Variants in RCAN3 observed in about 807,000 individuals in gnomAD.
RCAN3 encodes calcipressin-3.
Under a neutral mutation model 21.9 loss-of-function variants are expected in RCAN3, and 19 were observed. That is an observed-to-expected ratio of 0.87 (90% CI 0.61 to 1.27). The LOEUF (loss-of-function observed/expected upper bound fraction) is 1.27. Ranked by LOEUF, RCAN3 falls within the 50% of genes most tolerant of loss-of-function variation. The probability of loss-of-function intolerance (pLI) is 0.00; values close to 1 mark genes in which losing one functional copy is unlikely to be tolerated. For synonymous variants in RCAN3, 114 were observed against 112.3 expected, an observed-to-expected ratio of 1.01 and a Z score of -0.09; for missense variants, 240 against 300.1, an observed-to-expected ratio of 0.80 and a Z score of 1.48.
intron 1 of RCAN3, among the ~76,000 whole-genome samples, chr1:24,505,211 GT>G (rs796108173): frequency 4.9e-4 from 44 of 89,698 alleles, no homozygotes; most frequent in Admixed American, 1.5e-3. Context: ...TTGTTGCTTT[GT>G]TTTTTTTTTT....
intron 1 of RCAN3, among the ~76,000 whole-genome samples, chr1:24,508,826 A>C (rs1647662267): frequency 6.6e-6 from 1 of 152,236 alleles, no homozygotes; most frequent in Non-Finnish European, 1.5e-5. Flanking sequence ...GTCTTAAAAA[A>C]ATTTATAGAC....
chr1:24,519,127 T>C (rs1648578650), intron 2 of RCAN3, among the ~76,000 whole-genome samples: 1 of 151,958 alleles, frequency 6.6e-6, no homozygotes, highest in Non-Finnish European at 1.5e-5. Context: ...GCCAAGCTGG[T>C]CTCAAACTCT....
intron 1 of RCAN3, among the ~76,000 whole-genome samples, chr1:24,513,356 T>C (rs186668542): frequency 6.4e-4 from 98 of 152,238 alleles, no homozygotes; most frequent in Non-Finnish European, 1.1e-3. Context: ...CTTTGATCAC[T>C]GCCTCAGCCT....
intron 3 of RCAN3, 124 bp from the exon 4 acceptor site, chr1:24,532,948 CAAAAAAAAAAA>C (rs756973308): frequency 1.6e-4 from 15 of 93,222 alleles, no homozygotes; most frequent in African/African-American, 3.4e-4. Context: ...GACTCCGTCT[CAAAAAAAAAAA>C]AAAAAAAAAA....
At chr1:24,518,385 G>T (rs981339326) in intron 2 of RCAN3, among the ~76,000 whole-genome samples, 3 of 152,088 alleles carry the variant, frequency 2.0e-5, no homozygotes. Flanking sequence ...AAAATAAACT[G>T]TAAGAAAAAT....
intron 2 of RCAN3, among the ~76,000 whole-genome samples, chr1:24,517,781 C>T (rs1365171807): frequency 6.6e-6 from 1 of 152,006 alleles, no homozygotes; most frequent in South Asian, 2.1e-4. Flanking sequence ...TCGCTTGAGA[C>T]CAGGAGTTTG....
chr1:24,526,910 G>T (rs1570474440), intron 2 of RCAN3, among the ~76,000 whole-genome samples: 1 of 152,284 alleles, frequency 6.6e-6, no homozygotes, highest in East Asian at 1.9e-4. Context: ...AAGAAACTTT[G>T]AAATGTATCC....
intron 2 of RCAN3, among the ~76,000 whole-genome samples, chr1:24,524,828 GTT>G (rs5773091): frequency 0.16 from 20,883 of 127,320 alleles, 1,595 homozygotes; most frequent in African/African-American, 0.2. Flanking sequence ...GTTTTCTTTT[GTT>G]TTTTTTTTTT....
chr1:24,532,732 A>G (rs1649870116), intron 3 of RCAN3, among the ~76,000 whole-genome samples: 2 of 150,816 alleles, frequency 1.3e-5, no homozygotes, highest in Non-Finnish European at 3.0e-5. Context: ...GCGGATGATG[A>G]AGTCAGGAGA....
intron 4 of RCAN3, 82 bp downstream of exon 4, chr1:24,533,336 A>G: frequency 1.8e-6 from 2 of 1,142,654 alleles, no homozygotes; most frequent in Non-Finnish European, 2.4e-6. Context: ...GCATTGTGGC[A>G]GTATGATTAG....
At position 24,535,156 on chromosome 1, in the gene RCAN3, A is replaced by C. The variant is rs1650128449; in HGVS notation, c.605A>C (p.Glu202Ala). 9.4e-6 allele frequency: 15 copies of C among 1,598,538 alleles called. No individual in the cohort carries two copies. Among genetic ancestry groups the C allele is most frequent in the Non-Finnish European group, 1.3e-5 (15 of 1,174,738 alleles). The change falls in exon 5 of 5, where the codon GAA becomes GCA. Residue 202 changes from glutamate (E) to alanine (A), a missense_variant. By Grantham distance (107) the Glu-to-Ala change is moderately radical. Transcript: ENST00000374395. ...CCCAGCGTGGTGGTTCATGTCTGTGAAAGTGAAACTGAAGAGGAAGAAGAG... is the reference window on the plus strand; with the variant it reads ...CCCAGCGTGGTGGTTCATGTCTGTGCAAGTGAAACTGAAGAGGAAGAAGAG... ...STPSVVVHVC[E>A]SETEEEEETK...
intron 1 of RCAN3, among the ~76,000 whole-genome samples, chr1:24,505,741 G>A (rs1647388231): frequency 6.6e-6 from 1 of 152,162 alleles, no homozygotes; most frequent in African/African-American, 2.4e-5. Flanking sequence ...TTTGCTTCCA[G>A]TATTGTTTGG....
At chr1:24,505,194 C>G (rs965106161) in intron 1 of RCAN3, among the ~76,000 whole-genome samples, 9 of 126,168 alleles carry the variant, frequency 7.1e-5, no homozygotes, top group African/African-American at 2.4e-4. Flanking sequence ...TCCTAAGTGG[C>G]TTTTTGTTGT....
Position 24,531,280 on chromosome 1 carries a change from C to T in RCAN3, c.258C>T (p.Ser86=). 1 of 1,613,386 alleles carries T rather than the reference C, an allele frequency of 6.2e-7. No homozygotes were observed. Among genetic ancestry groups the T allele is most frequent in the Non-Finnish European group, 8.5e-7 (1 of 1,179,706 alleles). Residue 86 remains serine (S), a synonymous_variant, in exon 3 of 5, where the codon AGC becomes AGT. Coordinates refer to ENST00000374395, the MANE Select transcript of RCAN3 (RefSeq NM_013441.4). Reference sequence around the variant, plus strand: ...AGGTTACTTTTCAGCTGTTTAAAAGCTTTAGAAGAGTCAGAATAAATTTCA... The same window carrying T: ...AGGTTACTTTTCAGCTGTTTAAAAGTTTTAGAAGAGTCAGAATAAATTTCA... ...DDQVTFQLFK[S]FRRVRINFSK... is the part of the protein sequence containing the mutation.
At chr1:24,529,550 CTTT>C (rs35257073) in intron 2 of RCAN3, among the ~76,000 whole-genome samples, 1 of 89,526 alleles carries the variant, frequency 1.1e-5, no homozygotes. Flanking sequence ...CTCTGTCTCT[CTTT>C]TTTTTTTTTT....
intron 2 of RCAN3, among the ~76,000 whole-genome samples, chr1:24,526,425 G>A (rs1044294122): frequency 5.9e-5 from 9 of 151,888 alleles, no homozygotes; most frequent in Non-Finnish European, 1.2e-4. Context: ...GAGAGAGAGC[G>A]CCGTATAACC....
At chr1:24,514,590 C>T (rs769487074) in intron 2 of RCAN3, 23 bp downstream of exon 2, 1 of 1,603,534 alleles carries the variant, frequency 6.2e-7, no homozygotes, top group Admixed American at 1.7e-5. Flanking sequence ...CCTCCCTTTC[C>T]CTACATTTGT....
upstream of RCAN3, among the ~76,000 whole-genome samples, chr1:24,502,738 C>A (rs1268112474): frequency 6.6e-6 from 1 of 150,900 alleles, no homozygotes; most frequent in East Asian, 2.0e-4. Flanking sequence ...GGCGAGACAC[C>A]CCCACCCCGG....
intron 2 of RCAN3, among the ~76,000 whole-genome samples, 157 bp downstream of exon 2, chr1:24,514,724 T>G (rs1489707835): frequency 6.6e-6 from 1 of 151,844 alleles, no homozygotes; most frequent in Non-Finnish European, 1.5e-5. Flanking sequence ...ATCCCAGCAC[T>G]TTGGGAGGCT....
Sources: gnomAD v4.1 joint callset for allele counts (sites outside exome capture counted in the v4.1 genomes callset) on GRCh38, gnomAD v4.1.1 for gene constraint, MANE v1.5 for transcripts, NCBI Gene and HGNC (gene_info 2026-07-23, HGNC 2026-07-21) for gene names.